ZNF26: variants seen among roughly 807,000 people sequenced by gnomAD.
The protein encoded by ZNF26 is epididymis luminal protein 179.
A neutral mutation model predicts 54.9 loss-of-function variants in ZNF26; 32 were observed. The observed-to-expected ratio is 0.58, with a 90% CI of 0.44 to 0.78. The LOEUF is 0.78. ZNF26 is among the 30% of genes least tolerant of loss of function. The pLI is 0.00. For synonymous variants in ZNF26, 221 were observed against 209.2 expected, an observed-to-expected ratio of 1.06 and a Z score of -0.49; for missense variants, 524 against 634.0, an observed-to-expected ratio of 0.83 and a Z score of 1.86.
Position 133,016,967 on chromosome 12 carries a change from A to C in ZNF26, c.*5486A>C, listed in dbSNP as rs1184376425. ...AGTAAAAATCAGAAGACAGTAAAAGAATGTCTTCAATGTTCTGAAAGAAAA... is the reference window on the plus strand; with the variant it reads ...AGTAAAAATCAGAAGACAGTAAAAGCATGTCTTCAATGTTCTGAAAGAAAA... On this transcript the variant is annotated 3_prime_UTR_variant, in exon 4 of 4. Coordinates refer to ENST00000328654, the MANE Select transcript of ZNF26 (RefSeq NM_019591.4). The C allele has an allele frequency of 6.6e-6, 1 of 152,164 alleles. No homozygotes were observed. Among genetic ancestry groups the C allele is most frequent in the African/African-American group, 2.4e-5 (1 of 41,424 alleles). 9.4% of individuals were successfully genotyped at this position (152,164 alleles called of 1,614,324 possible).
At position 133,014,003 on chromosome 12, in the gene ZNF26, T is replaced by G. The variant is rs1308493603; in HGVS notation, c.*2522T>G. Reference sequence around the variant, plus strand: ...GTATAAAAAACCTGCCACCTCCTGATACAGATAGAACCCCTTCCCTTTTCT... The same window carrying G: ...GTATAAAAAACCTGCCACCTCCTGAGACAGATAGAACCCCTTCCCTTTTCT... On this transcript the variant is annotated 3_prime_UTR_variant, in exon 4 of 4. Coordinates refer to ENST00000328654, the MANE Select transcript of ZNF26 (RefSeq NM_019591.4). 6.6e-6 allele frequency: 1 copy of G among 152,250 alleles called. No individual in the cohort carries two copies. The highest frequency in any genetic ancestry group is 2.4e-5 in the African/African-American group (1 of 41,462). 9.4% of individuals were successfully genotyped at this position (152,250 alleles called of 1,614,324 possible).
intron 1 of ZNF26, chr12:132,995,121 A>G (rs1169126787): frequency 2.6e-5 from 4 of 152,220 alleles, no homozygotes; most frequent in Non-Finnish European, 5.9e-5. Flanking sequence ...TCACATTCCC[A>G]GTACCAGGAA....
intron 1 of ZNF26, among the ~76,000 whole-genome samples, chr12:132,988,509 A>G (rs1189417219): frequency 6.6e-6 from 1 of 151,610 alleles, no homozygotes; most frequent in Non-Finnish European, 1.5e-5. Context: ...CTCCCAAAGC[A>G]TTGGTGGGAT....
chr12:132,999,554 C>T (rs949724104), intron 1 of ZNF26, among the ~76,000 whole-genome samples: 4 of 152,052 alleles, frequency 2.6e-5, no homozygotes, highest in African/African-American at 7.2e-5. Context: ...CGCACCCAGC[C>T]GCCATGTGTT....
At position 132,986,975 on chromosome 12, in the gene ZNF26, A is replaced by G. The variant is rs1041030014; in HGVS notation, c.33+102A>G. ...GGGAACTGAACTCACATTCAGCTGT[A>G]ATTGTGTGCGTAGTTTACTAGACTA... On this transcript the variant is annotated intron_variant, in intron 1 of 3. Transcript: ENST00000328654. 68 of 1,338,146 alleles carry G rather than the reference A, an allele frequency of 5.1e-5. 1 individual carries two copies. The African/African-American group carries it at 8.1e-4, about 16-fold the overall frequency. The allele number at this position is 1,338,146 out of a possible 1,614,324, so 82.9% of individuals were successfully genotyped here.
Position 133,017,638 on chromosome 12 carries a change from AAAGAGCACCAGT to A in ZNF26, c.*6160_*6171del, listed in dbSNP as rs1228260085. ...AGTAATTTGTTTCCACAGAAAAAACAAAGAGCACCAGTAAAGGGTAATTATGTAATAATAAAA... is the reference window on the plus strand; with the variant it reads ...AGTAATTTGTTTCCACAGAAAAAACAAAAGGGTAATTATGTAATAATAAAA... On this transcript the variant is annotated 3_prime_UTR_variant, in exon 4 of 4. Transcript: ENST00000328654. 2 of 152,260 alleles carry A rather than the reference AAAGAGCACCAGT, an allele frequency of 1.3e-5. No homozygotes were observed. Among genetic ancestry groups the A allele is most frequent in the African/African-American group, 2.4e-5 (1 of 41,470 alleles). 9.4% of individuals were successfully genotyped at this position (152,260 alleles called of 1,614,324 possible). A position where few individuals can be genotyped will look rare whatever the true frequency, so the allele number is the denominator to read the frequency against.
rs1223984920 is a variant in ZNF26, at chr12:133,012,042, A to C, written c.*561A>C. On this transcript the variant is annotated 3_prime_UTR_variant, in exon 4 of 4. Coordinates refer to ENST00000328654, the MANE Select transcript of ZNF26 (RefSeq NM_019591.4). Reference sequence around the variant, plus strand: ...TTTTTTAATGTAACTTGTTCTATCTATCTATATATATATTTGATAGTTTGT... The same window carrying C: ...TTTTTTAATGTAACTTGTTCTATCTCTCTATATATATATTTGATAGTTTGT... 6.6e-6 allele frequency: 1 copy of C among 152,210 alleles called. No homozygotes were observed. Among genetic ancestry groups the C allele is most frequent in the Non-Finnish European group, 1.5e-5 (1 of 68,044 alleles). The allele number at this position is 152,210 out of a possible 1,614,324, so 9.4% of individuals were successfully genotyped here. A position where few individuals can be genotyped will look rare whatever the true frequency, so the allele number is the denominator to read the frequency against.
chr12:132,997,932 C>T (rs1307160928), intron 1 of ZNF26, among the ~76,000 whole-genome samples: 1 of 152,152 alleles, frequency 6.6e-6, no homozygotes, highest in African/African-American at 2.4e-5. Flanking sequence ...GGAAATAATT[C>T]AGTTAGCCCA....
At chr12:132,987,667 T>C (rs1463381025) in intron 1 of ZNF26, 2 of 984,096 alleles carry the variant, frequency 2.0e-6, no homozygotes, top group Non-Finnish European at 2.4e-6. Flanking sequence ...TATTTCAGCC[T>C]GTAACTCACA....
Position 133,026,638 on chromosome 12 carries a change from T to C in ZNF26, c.*15157T>C, listed in dbSNP as rs1953709526. Reference sequence around the variant, plus strand: ...GCCTCCAAGGTTCAAGTGATTATCATGCCTCAGCCTCCCAAGTAGCTGAGA... The same window carrying C: ...GCCTCCAAGGTTCAAGTGATTATCACGCCTCAGCCTCCCAAGTAGCTGAGA... On this transcript the variant is annotated 3_prime_UTR_variant, in exon 4 of 4. Coordinates refer to ENST00000328654, the MANE Select transcript of ZNF26 (RefSeq NM_019591.4). The C allele has an allele frequency of 6.6e-6, 1 of 151,042 alleles. No individual in the cohort carries two copies. Among genetic ancestry groups the C allele is most frequent in the African/African-American group, 2.4e-5 (1 of 40,864 alleles). The allele number at this position is 151,042 out of a possible 1,614,324, so 9.4% of individuals were successfully genotyped here. A position where few individuals can be genotyped will look rare whatever the true frequency, so the allele number is the denominator to read the frequency against.
At chr12:133,009,957 T>G (rs2137259150) in intron 3 of ZNF26, among the ~76,000 whole-genome samples, 179 bp from the exon 4 acceptor site, 1 of 152,348 alleles carries the variant, frequency 6.6e-6, no homozygotes, top group East Asian at 1.9e-4. Flanking sequence ...GGACCTGTTT[T>G]GGTTTGTTTT....
chr12:133,008,604 G>A lies in ZNF26; in HGVS notation c.256+1072G>A, dbSNP rs897636707. Among the ~76,000 whole-genome samples, 6 of 151,828 alleles carry A rather than the reference G, an allele frequency of 4.0e-5. No homozygotes were observed. In the East Asian group the frequency reaches 5.8e-4, roughly 15 times the overall value. ...ATCCTGACTAACATGGTGAAACCCC[G>A]TCTCTACTAAAAATACAAAAAATTA... On this transcript the variant is annotated intron_variant, in intron 3 of 3. Coordinates refer to ENST00000328654, the MANE Select transcript of ZNF26 (RefSeq NM_019591.4).
At chr12:133,006,285 T>C (rs1953324517) in intron 1 of ZNF26, 1 of 985,268 alleles carries the variant, frequency 1.0e-6, no homozygotes. Context: ...AACTCTCTTG[T>C]TTATCCCCCT....
chr12:132,987,118 C>T (rs1952838962), intron 1 of ZNF26, among the ~76,000 whole-genome samples: 2 of 152,126 alleles, frequency 1.3e-5, no homozygotes, highest in African/African-American at 2.4e-5. Context: ...GCTGCGGGCC[C>T]TGAAGTCTGA....
rs1341550651 is a variant in ZNF26, at chr12:132,986,819, G to A, written c.-22G>A. The stretch of plus-strand genomic sequence containing the variant: ...CCCGCGGGTCCTGCCCCCGCAGGCA[G>A]CGCGCGAACGTGGGCGTGGGGATGG... On this transcript the variant is annotated 5_prime_UTR_variant, in exon 1 of 4. Transcript: ENST00000328654. 8 of 1,599,594 alleles carry A rather than the reference G, an allele frequency of 5.0e-6. No homozygotes were observed. Among genetic ancestry groups the A allele is most frequent in the Non-Finnish European group, 6.8e-6 (8 of 1,173,098 alleles).
intron 1 of ZNF26, among the ~76,000 whole-genome samples, chr12:132,988,909 G>A (rs1952885993): frequency 6.6e-6 from 1 of 151,308 alleles, no homozygotes; most frequent in Non-Finnish European, 1.5e-5. Context: ...AAATGGTATT[G>A]TGTTTTTTAT....
intron 1 of ZNF26, among the ~76,000 whole-genome samples, chr12:133,002,978 G>T (rs1206505001): frequency 6.6e-6 from 1 of 152,086 alleles, no homozygotes; most frequent in Non-Finnish European, 1.5e-5. Flanking sequence ...TCATGTGTTG[G>T]CTGAGTAACA....
intron 1 of ZNF26, among the ~76,000 whole-genome samples, chr12:132,994,069 CT>C (rs1953021973): frequency 6.6e-6 from 1 of 152,180 alleles, no homozygotes; most frequent in Non-Finnish European, 1.5e-5. Context: ...ATATTAGGCT[CT>C]GGGAACCTGG....
At position 132,986,494 on chromosome 12, in the gene ZNF26, C is replaced by G. The variant is rs1388350506; in HGVS notation, c.-347C>G. ...CGCGGAGGCGCGGAGCTAAGCGGCT[C>G]GGATTATCCTGGGCAGACCAGAGAC... On this transcript the variant is annotated 5_prime_UTR_variant, in exon 1 of 4. Transcript: ENST00000328654. The G allele has an allele frequency of 6.3e-6, 2 of 316,590 alleles. No individual in the cohort carries two copies. The highest frequency in any genetic ancestry group is 1.2e-5 in the Non-Finnish European group (2 of 168,236). 19.6% of individuals were successfully genotyped at this position (316,590 alleles called of 1,614,324 possible).
Sources: allele counts gnomAD v4.1 joint callset (sites outside exome capture counted in the v4.1 genomes callset), GRCh38; gene constraint gnomAD v4.1.1; transcripts MANE v1.5; gene names NCBI Gene and HGNC (gene_info 2026-07-23, HGNC 2026-07-21).